COQ3: variants seen among roughly 807,000 people sequenced by gnomAD.
COQ3 encodes the protein ubiquinone biosynthesis O-methyltransferase, mitochondrial.
Under a neutral mutation model 33.1 loss-of-function variants are expected in COQ3, and 29 were observed. That is an observed-to-expected ratio of 0.88 (90% CI 0.65 to 1.19). COQ3 has a LOEUF of 1.19. Among genes scored for constraint, COQ3 ranks in the 50% most tolerant of loss-of-function variants. COQ3 has a pLI of 0.00. For missense variants in COQ3, 437 were observed against 430.7 expected (o/e 1.01, Z -0.13); for synonymous variants, 173 against 157.8 (o/e 1.10, Z -0.72).
chr6:99,370,325 C>CTTTCT (rs1340171643), intron 6 of COQ3, among the ~76,000 whole-genome samples: 1 of 128,980 alleles, frequency 7.8e-6, no homozygotes, highest in African/African-American at 2.9e-5. Flanking sequence ...TCTTTTCTTT[C>CTTTCT]TTTCTTTTCT....
At chr6:99,371,366 T>C (rs1323424275) in intron 6 of COQ3, 62 bp downstream of exon 6, 3 of 1,093,314 alleles carry the variant, frequency 2.7e-6, no homozygotes, top group Non-Finnish European at 4.0e-6. Flanking sequence ...GCGTAATAAT[T>C]ACTGGCATAT....
chr6:99,384,669 G>GGCTCATA (rs1774567085), intron 1 of COQ3, among the ~76,000 whole-genome samples: 1 of 152,184 alleles, frequency 6.6e-6, no homozygotes, highest in Non-Finnish European at 1.5e-5. Flanking sequence ...CCTGCTTTAT[G>GGCTCATA]AGCCAGCAGC....
Position 99,376,090 on chromosome 6 carries a change from G to C in COQ3, c.579C>G (p.Val193=). 1 of 1,613,830 alleles carries C rather than the reference G, an allele frequency of 6.2e-7. No individual in the cohort carries two copies. The highest frequency in any genetic ancestry group is 8.5e-7 in the Non-Finnish European group (1 of 1,179,820). The change falls in exon 5 of 7, where the codon GTC becomes GTG. Residue 193 remains valine (V), a synonymous_variant. Transcript: ENST00000254759. ...TAQCHKSFDP[V]LDKRIEYRVC... is the part of the protein sequence containing the mutation. ...CTCTGTACTCTATTCTCTTATCCAG[G>C]ACTGGATCAAATGATTTATGGCATT...
At chr6:99,373,308 G>A (rs993809281) in intron 5 of COQ3, among the ~76,000 whole-genome samples, 2 of 152,152 alleles carry the variant, frequency 1.3e-5, no homozygotes, top group African/African-American at 4.8e-5. Flanking sequence ...CTGAGCACCT[G>A]TAGACATAGC....
chr6:99,375,813 T>C lies in COQ3; in HGVS notation c.729+127A>G, dbSNP rs1335133670. The C allele has an allele frequency of 2.4e-5, 23 of 947,808 alleles. No homozygotes were observed. In the South Asian group the frequency reaches 3.6e-4, roughly 15 times the overall value. 58.7% of individuals were successfully genotyped at this position (947,808 alleles called of 1,614,324 possible). ...GAGATGCTGTCCCCTCATCCAGGCT[T>C]CCTGGTTTCTTCTCTACTATACCTT... On this transcript the variant is annotated intron_variant, in intron 5 of 6. Coordinates refer to ENST00000254759, the MANE Select transcript of COQ3 (RefSeq NM_017421.4).
At chr6:99,380,868 C>CTG (rs1774454635) in intron 2 of COQ3, among the ~76,000 whole-genome samples, 1 of 152,100 alleles carries the variant, frequency 6.6e-6, no homozygotes, top group Non-Finnish European at 1.5e-5. Context: ...GATTGAGCCA[C>CTG]TGCACTCCAG....
At chr6:99,393,779 C>T in intron 1 of COQ3, among the ~76,000 whole-genome samples, 1 of 152,358 alleles carries the variant, frequency 6.6e-6, no homozygotes, top group East Asian at 1.9e-4. Flanking sequence ...CTTCAGACTG[C>T]AGCACACGCA....
intron 4 of COQ3, among the ~76,000 whole-genome samples, chr6:99,376,807 C>T (rs1039961093): frequency 2.0e-5 from 3 of 151,666 alleles, no homozygotes; most frequent in Non-Finnish European, 2.9e-5. Flanking sequence ...CCTGTCTCTA[C>T]TAAAAATTAG....
intron 1 of COQ3, among the ~76,000 whole-genome samples, chr6:99,390,091 C>T (rs557985326): frequency 9.2e-5 from 14 of 152,126 alleles, no homozygotes; most frequent in Admixed American, 2.0e-4. Context: ...CCAGCCTGGG[C>T]GAAAGAGTGA....
intron 5 of COQ3, among the ~76,000 whole-genome samples, chr6:99,374,323 T>C (rs781621765): frequency 3.3e-5 from 5 of 152,036 alleles, no homozygotes; most frequent in African/African-American, 4.8e-5. Context: ...AAGTGCAGGG[T>C]CAGCACCTGA....
chr6:99,384,288 AT>A (rs1774555187), intron 1 of COQ3, among the ~76,000 whole-genome samples: 1 of 152,220 alleles, frequency 6.6e-6, no homozygotes, highest in Non-Finnish European at 1.5e-5. Flanking sequence ...TACCTAAAAA[AT>A]AAAATAAAAT....
chr6:99,394,148 C>T lies in COQ3; in HGVS notation c.32G>A (p.Gly11Glu). ...CCCCAGCACTCTTAAAAACCAACCC[C>T]CGGAGGAGCCCAGCTTACGGCCACT... MWSGRKLGSS[G>E]GWFLRVLGPG... is the part of the protein sequence containing the mutation. Residue 11 changes from glycine to glutamate, a missense_variant, in exon 1 of 7, where the codon GGG becomes GAG. By Grantham distance (98) the Gly-to-Glu change is moderately conservative. Transcript: ENST00000254759. 6.2e-7 allele frequency: 1 copy of T among 1,607,634 alleles called. No individual in the cohort carries two copies. Among genetic ancestry groups the T allele is most frequent in the Non-Finnish European group, 8.5e-7 (1 of 1,176,858 alleles).
chr6:99,393,193 T>C (rs946675952), intron 1 of COQ3, among the ~76,000 whole-genome samples: 4 of 131,844 alleles, frequency 3.0e-5, no homozygotes, highest in African/African-American at 6.8e-5. Flanking sequence ...GATTTGTAAC[T>C]TTTTTTTTTT....
chr6:99,372,316 A>T (rs1774165174), intron 5 of COQ3, among the ~76,000 whole-genome samples: 1 of 150,818 alleles, frequency 6.6e-6, no homozygotes, highest in South Asian at 2.1e-4. Flanking sequence ...GAGGCAGGAG[A>T]ATCACTTGAA....
At chr6:99,393,957 TCG>T in intron 1 of COQ3, 115 bp downstream of exon 1, 1 of 790,256 alleles carries the variant, frequency 1.3e-6, no homozygotes, top group Non-Finnish European at 2.1e-6. Flanking sequence ...GCCTTAGGTT[TCG>T]CGCTGACCCC....
chr6:99,372,202 G>C (rs939345618), intron 5 of COQ3, among the ~76,000 whole-genome samples: 5 of 152,062 alleles, frequency 3.3e-5, no homozygotes, highest in African/African-American at 1.2e-4. Context: ...TCAGGAGTTT[G>C]AGACCAGACT....
chr6:99,372,451 T>C (rs941510133), intron 5 of COQ3, among the ~76,000 whole-genome samples: 1 of 152,056 alleles, frequency 6.6e-6, no homozygotes, highest in Non-Finnish European at 1.5e-5. Context: ...ACAGTCTTGC[T>C]CTGTCGCCCA....
intron 6 of COQ3, among the ~76,000 whole-genome samples, chr6:99,370,755 G>GA (rs904815743): frequency 5.3e-5 from 8 of 150,118 alleles, no homozygotes; most frequent in Admixed American, 1.3e-4. Flanking sequence ...AGACTTATAT[G>GA]AAAAAAAAAG....
chr6:99,379,489 CA>C (rs1354144089), intron 3 of COQ3, among the ~76,000 whole-genome samples: 2 of 152,128 alleles, frequency 1.3e-5, no homozygotes, highest in East Asian at 1.9e-4. Flanking sequence ...GGTAAGTTCT[CA>C]AAAAAATTTG....
Sources: allele counts gnomAD v4.1 joint callset (sites outside exome capture counted in the v4.1 genomes callset), GRCh38; gene constraint gnomAD v4.1.1; transcripts MANE v1.5; gene names NCBI Gene and HGNC (gene_info 2026-07-23, HGNC 2026-07-21).